FMNL2: variants seen among roughly 807,000 people sequenced by gnomAD.
The protein encoded by FMNL2 is formin like 2.
A neutral mutation model predicts 130.2 loss-of-function variants in FMNL2; 51 were observed. That is an observed-to-expected ratio of 0.39 (90% confidence interval 0.31 to 0.49). The LOEUF is 0.49. Ranked by LOEUF, FMNL2 falls within the 20% of genes least tolerant of loss-of-function variation. The probability of loss-of-function intolerance (pLI) is 0.85; values close to 1 mark genes in which losing one functional copy is unlikely to be tolerated. For synonymous variants in FMNL2, 465 were observed against 467.1 expected (o/e 1.00, Z 0.06); for missense variants, 977 against 1,316.2 (o/e 0.74, Z 3.99).
intron 1 of FMNL2, among the ~76,000 whole-genome samples, chr2:152,423,530 G>A (rs146324082): frequency 2.4e-3 from 368 of 152,250 alleles, no homozygotes; most frequent in African/African-American, 8.6e-3. Context: ...TACCTTCTAG[G>A]AAACAGCCAG....
chr2:152,560,783 A>C, intron 5 of FMNL2, 100 bp from the exon 6 acceptor site: 1 of 1,060,646 alleles, frequency 9.4e-7, no homozygotes, highest in Non-Finnish European at 1.3e-6. Context: ...TTTCCATACT[A>C]AGGTGCAGAT....
At chr2:152,558,854 A>G (rs754237993) in intron 5 of FMNL2, 31 bp downstream of exon 5, 20 of 1,589,476 alleles carry the variant, frequency 1.3e-5, no homozygotes, top group Non-Finnish European at 1.7e-5. Flanking sequence ...TTGCATTTGA[A>G]TTTTATGTGG....
intron 1 of FMNL2, among the ~76,000 whole-genome samples, chr2:152,498,528 C>T (rs1370913713): frequency 6.6e-6 from 1 of 152,102 alleles, no homozygotes; most frequent in Non-Finnish European, 1.5e-5. Context: ...ATTTCCTGTA[C>T]ACCAATCCAT....
At chr2:152,546,795 C>T (rs753445069) in intron 3 of FMNL2, among the ~76,000 whole-genome samples, 16 of 152,088 alleles carry the variant, frequency 1.1e-4, no homozygotes, top group Non-Finnish European at 1.2e-4. Flanking sequence ...AATTTTTTGT[C>T]TCCTTTCTCT....
At chr2:152,597,898 A>C (rs1296021868) in intron 9 of FMNL2, among the ~76,000 whole-genome samples, 1 of 152,176 alleles carries the variant, frequency 6.6e-6, no homozygotes, top group East Asian at 1.9e-4. Context: ...GTTAGGGTGA[A>C]CTTGGGGAAA....
At position 152,628,380 on chromosome 2, in the gene FMNL2, T is replaced by G; in HGVS notation, c.2247T>G (p.Leu749=). ...FLPTENEVKV[L]RLYERERKPL... ...CAACTGAGAATGAAGTGAAAGTGCTTCGGCTCTACGAGCGGGAAAGGAAGC... is the reference window on the plus strand; with the variant it reads ...CAACTGAGAATGAAGTGAAAGTGCTGCGGCTCTACGAGCGGGAAAGGAAGC... Residue 749 remains leucine (L), a synonymous_variant, in exon 18 of 26, where the codon CTT becomes CTG. Coordinates refer to ENST00000288670, the MANE Select transcript of FMNL2 (RefSeq NM_052905.4). 1 of 1,614,062 alleles carries G rather than the reference T, an allele frequency of 6.2e-7. No individual in the cohort carries two copies. The highest frequency in any genetic ancestry group is 8.5e-7 in the Non-Finnish European group (1 of 1,179,908).
At chr2:152,581,897 G>A (rs1193682083) in intron 9 of FMNL2, among the ~76,000 whole-genome samples, 1 of 152,100 alleles carries the variant, frequency 6.6e-6, no homozygotes, top group African/African-American at 2.4e-5. Flanking sequence ...ATTAAGACCC[G>A]AGCTGGATTA....
intron 25 of FMNL2, among the ~76,000 whole-genome samples, chr2:152,645,933 G>T (rs1475633919): frequency 6.6e-6 from 1 of 152,148 alleles, no homozygotes; most frequent in Non-Finnish European, 1.5e-5. Context: ...CTGCATATGA[G>T]GCAAAAGTGT....
chr2:152,565,584 A>C (rs1695789982), intron 6 of FMNL2, among the ~76,000 whole-genome samples: 1 of 152,008 alleles, frequency 6.6e-6, no homozygotes. Context: ...TTTTCCTTAA[A>C]ATTTTTTTGT....
chr2:152,587,283 C>G (rs1246147454), intron 9 of FMNL2, among the ~76,000 whole-genome samples: 4 of 152,128 alleles, frequency 2.6e-5, no homozygotes, highest in Non-Finnish European at 4.4e-5. Flanking sequence ...AACCCGGATG[C>G]AAGGGGAAGG....
chr2:152,529,257 T>C (rs960418317), intron 2 of FMNL2, among the ~76,000 whole-genome samples: 1 of 152,114 alleles, frequency 6.6e-6, no homozygotes, highest in Non-Finnish European at 1.5e-5. Flanking sequence ...GTTTTCCTTA[T>C]AAGTCAAGGA....
In FMNL2 at chr2:152,365,488, A is replaced by C. The variant is rs990594824; in HGVS notation, c.117+29768A>C. 1.7e-4 allele frequency among the ~76,000 whole-genome samples: 26 copies of C among 152,262 alleles called. No homozygotes were observed. The South Asian group carries it at 1.9e-3, about 11-fold the overall frequency. On this transcript the variant is annotated intron_variant, in intron 1 of 25. Coordinates refer to ENST00000288670, the MANE Select transcript of FMNL2 (RefSeq NM_052905.4). Reference sequence around the variant, plus strand: ...ACAGCCCAATCAAAAGTCTCCTGCCATGACCGGGCGTGGTGGCTCATGTCT... The same window carrying C: ...ACAGCCCAATCAAAAGTCTCCTGCCCTGACCGGGCGTGGTGGCTCATGTCT...
intron 12 of FMNL2, among the ~76,000 whole-genome samples, chr2:152,615,390 A>T (rs998656420): frequency 6.6e-6 from 1 of 152,176 alleles, no homozygotes; most frequent in Non-Finnish European, 1.5e-5. Context: ...ACACAAACCC[A>T]TGGACAGGAT....
chr2:152,356,809 TA>T (rs1682820490), intron 1 of FMNL2, among the ~76,000 whole-genome samples: 1 of 151,874 alleles, frequency 6.6e-6, no homozygotes, highest in African/African-American at 2.4e-5. Context: ...TGTCCAGTGT[TA>T]ACTAAGTGCA....
intron 1 of FMNL2, among the ~76,000 whole-genome samples, chr2:152,410,277 T>C (rs1249046715): frequency 6.6e-6 from 1 of 152,198 alleles, no homozygotes; most frequent in African/African-American, 2.4e-5. Context: ...CTACTCCCAG[T>C]GGAGCTCAAA....
intron 1 of FMNL2, among the ~76,000 whole-genome samples, chr2:152,504,888 A>G (rs905727413): frequency 4.6e-5 from 7 of 152,192 alleles, no homozygotes; most frequent in African/African-American, 1.7e-4. Context: ...GAATGCTGTC[A>G]TTCATGTTCA....
intron 1 of FMNL2, among the ~76,000 whole-genome samples, chr2:152,478,541 AT>A (rs1271691741): frequency 6.6e-6 from 1 of 151,848 alleles, no homozygotes; most frequent in Non-Finnish European, 1.5e-5. Flanking sequence ...CGGCCTGAAA[AT>A]TTTTTTAGTT....
rs138739438 is a variant in FMNL2 at position 152,348,462 on chromosome 2, G to A, written c.117+12742G>A. On this transcript the variant is annotated intron_variant, in intron 1 of 25. Transcript: ENST00000288670. Reference sequence around the variant, plus strand: ...AACGGTGCCCACTGAAAGAGGACTGGGAATTGGAGTGGCTGCTCTGGATAC... The same window carrying A: ...AACGGTGCCCACTGAAAGAGGACTGAGAATTGGAGTGGCTGCTCTGGATAC... Among the ~76,000 whole-genome samples, 1,519 of 152,272 alleles carry A rather than the reference G, an allele frequency of 1.0e-2. 18 individuals carry two copies. The highest frequency in any genetic ancestry group is 0.035 in the African/African-American group (1,448 of 41,558).
At chr2:152,363,161 G>A (rs1244712971) in intron 1 of FMNL2, among the ~76,000 whole-genome samples, 1 of 152,164 alleles carries the variant, frequency 6.6e-6, no homozygotes, top group Non-Finnish European at 1.5e-5. Context: ...CGAATTGTGT[G>A]CATTACATGG....
Sources: allele counts gnomAD v4.1 joint callset (sites outside exome capture counted in the v4.1 genomes callset), GRCh38; gene constraint gnomAD v4.1.1; transcripts MANE v1.5; gene names NCBI Gene and HGNC (gene_info 2026-07-23, HGNC 2026-07-21).